The following USH2A variants were observed in gnomAD, a reference collection of about 807,000 sequenced individuals.
USH2A encodes usherin, also known as Usher syndrome 2A (autosomal recessive, mild).
USH2A carries 443 observed loss-of-function variants against 538.9 expected under a neutral mutation model. The observed-to-expected ratio is 0.82, with a 90% CI of 0.76 to 0.89. The LOEUF (loss-of-function observed/expected upper bound fraction) is 0.89, where lower values mean the gene tolerates loss of function less well. USH2A is among the 40% of genes least tolerant of loss of function. The pLI is 0.00. For missense variants in USH2A, 6,633 were observed against 6,324.8 expected (o/e 1.05, Z -1.65); for synonymous variants, 2,413 against 2,273.5 (o/e 1.06, Z -1.75).
chr1:215,705,975 G>A (rs1291614309), intron 61 of USH2A, among the ~76,000 whole-genome samples: 1 of 152,176 alleles, frequency 6.6e-6, no homozygotes, highest in Non-Finnish European at 1.5e-5. Context: ...ATAACAATGA[G>A]TGCTTTTCAA....
chr1:216,155,101 G>T (rs1386036504), intron 21 of USH2A, among the ~76,000 whole-genome samples: 1 of 152,042 alleles, frequency 6.6e-6, no homozygotes, highest in Non-Finnish European at 1.5e-5. Context: ...ACTCCATCTT[G>T]CTTCTAACCT....
chr1:215,723,464 G>A (rs1659721148), intron 61 of USH2A, among the ~76,000 whole-genome samples: 1 of 152,168 alleles, frequency 6.6e-6, no homozygotes, highest in Non-Finnish European at 1.5e-5. Flanking sequence ...ACAACTCTGG[G>A]GGGACCTTGG....
chr1:216,325,164 C>A, intron 6 of USH2A, 141 bp downstream of exon 6: 1 of 981,570 alleles, frequency 1.0e-6, no homozygotes, highest in Non-Finnish European at 1.5e-6. Context: ...GGGAATGTAG[C>A]CCTGCCAACA....
intron 14 of USH2A, among the ~76,000 whole-genome samples, chr1:216,226,735 A>G (rs2102512031): frequency 6.6e-6 from 1 of 152,314 alleles, no homozygotes; most frequent in African/African-American, 2.4e-5. Context: ...TATTCTACAC[A>G]GGCCCCTTTA....
chr1:215,805,687 C>T (rs949046831), intron 49 of USH2A, among the ~76,000 whole-genome samples: 7 of 152,018 alleles, frequency 4.6e-5, no homozygotes, highest in Admixed American at 1.3e-4. Context: ...TTCCAGAATA[C>T]TCTAAAGATC....
intron 3 of USH2A, among the ~76,000 whole-genome samples, chr1:216,369,635 G>A (rs190732853): frequency 1.1e-4 from 16 of 152,158 alleles, no homozygotes; most frequent in Non-Finnish European, 2.2e-4. Context: ...AGTATGGGCC[G>A]GGCATGGAGG....
chr1:215,918,768 T>C (rs1045653138), intron 38 of USH2A, among the ~76,000 whole-genome samples: 2 of 152,102 alleles, frequency 1.3e-5, no homozygotes, highest in African/African-American at 2.4e-5. Context: ...GAATAAAAAT[T>C]ATGATATTCA....
chr1:216,272,843 G>A (rs2036601704), intron 11 of USH2A, among the ~76,000 whole-genome samples: 1 of 152,024 alleles, frequency 6.6e-6, no homozygotes, highest in Admixed American at 6.6e-5. Context: ...AACAACAAAC[G>A]AGCTTGAGCT....
At chr1:216,292,885 T>C (rs2037029622) in intron 9 of USH2A, among the ~76,000 whole-genome samples, 1 of 152,210 alleles carries the variant, frequency 6.6e-6, no homozygotes, top group African/African-American at 2.4e-5. Context: ...AATGACCATT[T>C]ATTTAGTACT....
intron 49 of USH2A, among the ~76,000 whole-genome samples, chr1:215,802,084 T>C (rs1296351778): frequency 2.6e-5 from 4 of 151,918 alleles, no homozygotes; most frequent in Admixed American, 2.0e-4. Flanking sequence ...AAGAATGATA[T>C]TGAACCCTTA....
Position 215,648,698 on chromosome 1 carries a change from T to G in USH2A, c.14412A>C (p.Gly4804=). The change falls in exon 66 of 72, where the codon GGA becomes GGC. Residue 4804 remains glycine (G), a synonymous_variant. Coordinates refer to ENST00000307340, the MANE Select transcript of USH2A (RefSeq NM_206933.4). ...AGTTGAAGCAGGTGCAGGCCTCTACTCCAATAGAGTAGTTAGTGAAGGCTT... is the reference window on the plus strand; with the variant it reads ...AGTTGAAGCAGGTGCAGGCCTCTACGCCAATAGAGTAGTTAGTGAAGGCTT... The part of the protein sequence containing the change: ...GLQAFTNYSI[G]VEACTCFNCC... The G allele has an allele frequency of 6.2e-7, 1 of 1,614,144 alleles. No homozygotes were observed. The highest frequency in any genetic ancestry group is 8.5e-7 in the Non-Finnish European group (1 of 1,180,026).
intron 11 of USH2A, among the ~76,000 whole-genome samples, chr1:216,253,515 T>C (rs1265906066): frequency 2.0e-5 from 3 of 152,184 alleles, no homozygotes; most frequent in East Asian, 3.9e-4. Context: ...GGAGCGTCCT[T>C]GCCTTTTGAA....
chr1:216,419,954 A>G (rs962400688), intron 2 of USH2A, among the ~76,000 whole-genome samples: 2 of 152,120 alleles, frequency 1.3e-5, no homozygotes, highest in Admixed American at 1.3e-4. Flanking sequence ...TTTTGTATGT[A>G]TATTTGGTAT....
At chr1:216,162,846 C>T (rs555620373) in intron 21 of USH2A, among the ~76,000 whole-genome samples, 8 of 152,110 alleles carry the variant, frequency 5.3e-5, no homozygotes, top group Non-Finnish European at 7.4e-5. Context: ...CCAAGCAGAT[C>T]TTCTCTACTA....
At chr1:215,979,598 A>G (rs1485311370) in intron 35 of USH2A, among the ~76,000 whole-genome samples, 1 of 152,180 alleles carries the variant, frequency 6.6e-6, no homozygotes, top group Non-Finnish European at 1.5e-5. Flanking sequence ...CTTTTCCTGA[A>G]TGTATAGGAA....
chr1:215,741,862 C>G (rs1021713708), intron 59 of USH2A, among the ~76,000 whole-genome samples: 1 of 152,084 alleles, frequency 6.6e-6, no homozygotes, highest in African/African-American at 2.4e-5. Flanking sequence ...AGTGATAATG[C>G]ACTTGAATTT....
intron 55 of USH2A, among the ~76,000 whole-genome samples, chr1:215,774,627 TTCTCTA>T: frequency 6.6e-6 from 1 of 152,072 alleles, no homozygotes; most frequent in Non-Finnish European, 1.5e-5. Context: ...CAGACTTTTC[TTCTCTA>T]AAAACAAAAT....
intron 22 of USH2A, among the ~76,000 whole-genome samples, chr1:216,089,961 A>G (rs1021067968): frequency 3.9e-5 from 6 of 152,038 alleles, no homozygotes; most frequent in East Asian, 1.9e-4. Context: ...AGACTAAGTG[A>G]AAGATATCCC....
At chr1:216,201,915 A>G (rs2035009816) in intron 16 of USH2A, 1 of 154,526 alleles carries the variant, frequency 6.5e-6, no homozygotes, top group African/African-American at 2.4e-5. Flanking sequence ...GCTAAGGCAG[A>G]GCACCCAAAG....
Sources: allele counts gnomAD v4.1 joint callset (sites outside exome capture counted in the v4.1 genomes callset), GRCh38; gene constraint gnomAD v4.1.1; transcripts MANE v1.5; gene names NCBI Gene and HGNC (gene_info 2026-07-23, HGNC 2026-07-21).